Variants in PEX10 observed in about 807,000 individuals in gnomAD.
The protein encoded by PEX10 is peroxisome biogenesis factor 10.
PEX10 carries 32 observed loss-of-function variants against 38.0 expected under a neutral mutation model. The observed-to-expected ratio is 0.84, with a 90% CI of 0.63 to 1.13. The LOEUF (loss-of-function observed/expected upper bound fraction) is 1.13. Among genes scored for constraint, PEX10 ranks in the 50% most tolerant of loss-of-function variants. The pLI is 0.00. For synonymous variants in PEX10, 206 were observed against 207.3 expected, an observed-to-expected ratio of 0.99 and a Z score of 0.05; for missense variants, 483 against 457.7, an observed-to-expected ratio of 1.06 and a Z score of -0.51.
chr1:2,412,488 G>A lies in PEX10; in HGVS notation c.15C>T (p.Ala5=), dbSNP rs965470939. The part of the protein sequence containing the change: MAPA[A]ASPPEVIRAA... ...CGCGGATCACCTCCGGGGGGCTGGC[G>A]GCGGCCGGGGCCATGGCCGCGGGTT... Residue 5 remains alanine (A), a synonymous_variant, in exon 1 of 6, where the codon GCC becomes GCT. Coordinates refer to ENST00000447513, the MANE Select transcript of PEX10 (RefSeq NM_002617.4). The A allele has an allele frequency of 1.5e-6, 2 of 1,375,190 alleles. No individual in the cohort carries two copies. Among genetic ancestry groups the A allele is most frequent in the Non-Finnish European group, 1.9e-6 (2 of 1,066,542 alleles). 85.2% of individuals were successfully genotyped at this position (1,375,190 alleles called of 1,614,324 possible). A position where few individuals can be genotyped will look rare whatever the true frequency, so the allele number is the denominator to read the frequency against.
At chr1:2,413,158 G>A (rs1027884196), upstream of PEX10, among the ~76,000 whole-genome samples, 1 of 152,224 alleles carries the variant, frequency 6.6e-6, no homozygotes, top group African/African-American at 2.4e-5. Context: ...GCCTTCCCCA[G>A]TAATCCTGCG....
chr1:2,407,524 C>T (rs1165024960), intron 3 of PEX10, among the ~76,000 whole-genome samples: 2 of 152,196 alleles, frequency 1.3e-5, no homozygotes, highest in Non-Finnish European at 2.9e-5. Context: ...CCTGGCTGTC[C>T]TAGGAGAGAG....
At chr1:2,406,345 C>G (rs955621804) in intron 5 of PEX10, 139 bp downstream of exon 5, 2 of 1,126,862 alleles carry the variant, frequency 1.8e-6, no homozygotes. Context: ...TACCTGGGAG[C>G]CTTTAAAAAG....
rs367845280 is a variant in PEX10, at chr1:2,405,756, G to A, written c.*10C>T. On this transcript the variant is annotated 3_prime_UTR_variant, in exon 6 of 6. Transcript: ENST00000447513. ...AGGTCATCTGTGTCCAGGCCCACCC[G>A]GGCGCCGGCTCAGCGGTAGTGCCGA... 5.8e-4 allele frequency: 925 copies of A among 1,595,818 alleles called. No homozygotes were observed. The highest frequency in any genetic ancestry group is 5.7e-4 in the Non-Finnish European group (668 of 1,171,836).
chr1:2,410,244 C>T lies in PEX10; in HGVS notation c.193+127G>A, dbSNP rs966864549. 74 of 819,442 alleles carry T rather than the reference C, an allele frequency of 9.0e-5. No homozygotes were observed. The highest frequency in any genetic ancestry group is 8.1e-5 in the Non-Finnish European group (39 of 480,988). The allele number at this position is 819,442 out of a possible 1,614,324, so 50.8% of individuals were successfully genotyped here. A position where few individuals can be genotyped will look rare whatever the true frequency, so the allele number is the denominator to read the frequency against. On this transcript the variant is annotated intron_variant, in intron 2 of 5. Transcript: ENST00000447513. This position sits in a 1 kb window ranked among gnomAD's most constrained non-coding sequence, Gnocchi z 5.1. ...CCTCGGAGCAGTACCTCCTGCACTT[C>T]CCTGAAGCAACCTCACCCGGGCCAG...
upstream of PEX10, chr1:2,412,607 TC>T (rs1441492849): frequency 1.3e-5 from 12 of 924,126 alleles, no homozygotes; most frequent in African/African-American, 2.0e-4. Flanking sequence ...GGCGCAGACC[TC>T]TGCGTCAAGG....
intron 1 of PEX10, among the ~76,000 whole-genome samples, chr1:2,411,981 G>T (rs189455993): frequency 3.3e-5 from 5 of 152,376 alleles, no homozygotes; most frequent in Admixed American, 6.5e-5. Context: ...GGTATGAGGC[G>T]TTCGCGCCGC....
At position 2,410,543 on chromosome 1, in the gene PEX10, A is replaced by G. The variant is rs1643153799; in HGVS notation, c.113-92T>C. 1.8e-6 allele frequency: 2 copies of G among 1,084,710 alleles called. No homozygotes were observed. The highest frequency in any genetic ancestry group is 2.8e-6 in the Non-Finnish European group (2 of 724,208). The allele number at this position is 1,084,710 out of a possible 1,614,324, so 67.2% of individuals were successfully genotyped here. A position where few individuals can be genotyped will look rare whatever the true frequency, so the allele number is the denominator to read the frequency against. ...TCCTCCCCCAGTTGTCTAGGCCCAGATCCAGTCCCACCCCTTCCATGAAGC... is the reference window on the plus strand; with the variant it reads ...TCCTCCCCCAGTTGTCTAGGCCCAGGTCCAGTCCCACCCCTTCCATGAAGC... On this transcript the variant is annotated intron_variant, in intron 1 of 5. Coordinates refer to ENST00000447513, the MANE Select transcript of PEX10 (RefSeq NM_002617.4). This position sits in a 1 kb window ranked among gnomAD's most constrained non-coding sequence, Gnocchi z 5.1.
Position 2,410,340 on chromosome 1 carries a change from C to A in PEX10, c.193+31G>T. On this transcript the variant is annotated intron_variant, in intron 2 of 5. Transcript: ENST00000447513. The surrounding 1 kb of genome is among the most constrained non-coding windows in gnomAD (Gnocchi z 5.1). ...CCCAGACTTGGTGTGTGTGGCTGCC[C>A]TCAGTCCTGAGGTCCCGTGGGAGCT... The A allele has an allele frequency of 6.3e-7, 1 of 1,591,070 alleles. No individual in the cohort carries two copies. The highest frequency in any genetic ancestry group is 1.1e-5 in the South Asian group (1 of 90,570).
At chr1:2,412,685 C>T, upstream of PEX10, 1 of 395,636 alleles carries the variant, frequency 2.5e-6, no homozygotes. Flanking sequence ...GGGCTGGAGT[C>T]CGAACCAGCG....
Position 2,406,731 on chromosome 1 carries a change from C to G in PEX10, c.765G>C (p.Leu255=). ...ARKEWRLHRG[L]SHRRASLEER... is the part of the protein sequence containing the mutation. ...GCCCCCGCACGCACCTGCGGTGAGA[C>G]AGGCCGCGGTGCAGCCTCCACTCCT... is the stretch of plus-strand genomic sequence containing the variant. Residue 255 remains leucine, a synonymous_variant, in exon 4 of 6, where the codon CTG becomes CTC. Coordinates refer to ENST00000447513, the MANE Select transcript of PEX10 (RefSeq NM_002617.4). 3.1e-6 allele frequency: 5 copies of G among 1,608,554 alleles called. No individual in the cohort carries two copies. Among genetic ancestry groups the G allele is most frequent in the Non-Finnish European group, 4.2e-6 (5 of 1,178,172 alleles).
In PEX10 at chr1:2,412,489, G is replaced by C; in HGVS notation, c.14C>G (p.Ala5Gly). The C allele has an allele frequency of 7.3e-7, 1 of 1,375,194 alleles. No homozygotes were observed. 85.2% of individuals were successfully genotyped at this position (1,375,194 alleles called of 1,614,324 possible). The change falls in exon 1 of 6, where the codon GCC (alanine) becomes GGC (glycine). Residue 5 changes from alanine to glycine, a missense_variant. Ala to Gly is a moderately conservative substitution (Grantham distance 60, BLOSUM62 0). Coordinates refer to ENST00000447513, the MANE Select transcript of PEX10 (RefSeq NM_002617.4). Reference sequence around the variant, plus strand: ...GCGGATCACCTCCGGGGGGCTGGCGGCGGCCGGGGCCATGGCCGCGGGTTC... The same window carrying C: ...GCGGATCACCTCCGGGGGGCTGGCGCCGGCCGGGGCCATGGCCGCGGGTTC... The part of the protein sequence containing the change: MAPA[A>G]ASPPEVIRAA...
rs1642966774 is a variant in PEX10, at chr1:2,405,430, T to C, written c.*336A>G. 2 of 462,174 alleles carry C rather than the reference T, an allele frequency of 4.3e-6. No individual in the cohort carries two copies. The highest frequency in any genetic ancestry group is 6.8e-5 in the Admixed American group (2 of 29,586). The allele number at this position is 462,174 out of a possible 1,614,324, so 28.6% of individuals were successfully genotyped here. On this transcript the variant is annotated 3_prime_UTR_variant, in exon 6 of 6. Transcript: ENST00000447513. ...CAATATAAACGAATAAAGTGTCTTC[T>C]GGCCTACTTCTGAATTACTTCTCAA...
chr1:2,413,728 G>C (rs888960611), upstream of PEX10: 2 of 152,386 alleles, frequency 1.3e-5, no homozygotes, highest in African/African-American at 4.8e-5. Flanking sequence ...GCGCCCCGCT[G>C]ACCTCAGTGG....
At position 2,410,762 on chromosome 1, in the gene PEX10, C is replaced by T. The variant is rs1327748219; in HGVS notation, c.113-311G>A. 10 of 503,042 alleles carry T rather than the reference C, an allele frequency of 2.0e-5. No individual in the cohort carries two copies. In the Admixed American group the frequency reaches 2.3e-4, roughly 11 times the overall value. The allele number at this position is 503,042 out of a possible 1,614,324, so 31.2% of individuals were successfully genotyped here. On this transcript the variant is annotated intron_variant, in intron 1 of 5. Transcript: ENST00000447513. The surrounding 1 kb of genome is among the most constrained non-coding windows in gnomAD (Gnocchi z 5.1). ...AAGATGGTCTGGGGTATTAAGATTACAGGCCAGAGGCCAACTGTCTAGCAT... is the reference window on the plus strand; with the variant it reads ...AAGATGGTCTGGGGTATTAAGATTATAGGCCAGAGGCCAACTGTCTAGCAT...
rs367561091 is a variant in PEX10 at position 2,406,688 on chromosome 1, C to T, written c.776+32G>A. ...GGTCCTTGTGAAGTGCCCAGGACAC[C>T]CCCAGCCCCCATGTGTGGCCCCCGC... On this transcript the variant is annotated intron_variant, in intron 4 of 5. Transcript: ENST00000447513. 19 of 1,609,708 alleles carry T rather than the reference C, an allele frequency of 1.2e-5. No individual in the cohort carries two copies. The African/African-American group carries it at 2.3e-4, about 19-fold the overall frequency.
Position 2,412,538 on chromosome 1 carries a change from G to GGCCACGCCC in PEX10, c.-45_-37dup. 7.7e-7 allele frequency: 1 copy of GGCCACGCCC among 1,300,574 alleles called. No homozygotes were observed. The highest frequency in any genetic ancestry group is 9.8e-7 in the Non-Finnish European group (1 of 1,023,814). 80.6% of individuals were successfully genotyped at this position (1,300,574 alleles called of 1,614,324 possible). ...TCGGGTGGTCCCGAGCAGCCACGCC[G>GGCCACGCCC]GCCACGCCCACGCCCAGACGGGCGA... On this transcript the variant is annotated 5_prime_UTR_variant, in exon 1 of 6. Coordinates refer to ENST00000447513, the MANE Select transcript of PEX10 (RefSeq NM_002617.4).
In PEX10 at chr1:2,410,232, C is replaced by T. The variant is rs1643142129; in HGVS notation, c.193+139G>A. On this transcript the variant is annotated intron_variant, in intron 2 of 5. Transcript: ENST00000447513. The surrounding 1 kb of genome is among the most constrained non-coding windows in gnomAD (Gnocchi z 5.1). ...ATGCCTCGCCTCCCTCGGAGCAGTA[C>T]CTCCTGCACTTCCCTGAAGCAACCT... The T allele has an allele frequency of 1.3e-6, 1 of 746,170 alleles. No homozygotes were observed. Among genetic ancestry groups the T allele is most frequent in the Middle Eastern group, 3.3e-4 (1 of 3,064 alleles). The allele number at this position is 746,170 out of a possible 1,614,324, so 46.2% of individuals were successfully genotyped here. A position where few individuals can be genotyped will look rare whatever the true frequency, so the allele number is the denominator to read the frequency against.
chr1:2,408,338 T>G, intron 3 of PEX10, 114 bp downstream of exon 3: 1 of 1,139,982 alleles, frequency 8.8e-7, no homozygotes, highest in Non-Finnish European at 1.3e-6. Context: ...AGATGCTGGA[T>G]GTAGAACCCT....
Sources: gnomAD v4.1 joint callset for allele counts (sites outside exome capture counted in the v4.1 genomes callset) on GRCh38, gnomAD v4.1.1 for gene constraint, Gnocchi (gnomAD v3.1) non-coding constraint, MANE v1.5 for transcripts, NCBI Gene and HGNC (gene_info 2026-07-23, HGNC 2026-07-21) for gene names.